The following STK39 variants were observed in gnomAD, a reference collection of about 807,000 sequenced individuals.
The protein encoded by STK39 is serine/threonine kinase 39, also known as STE20/SPS1-related proline-alanine-rich protein kinase.
A neutral mutation model predicts 77.8 loss-of-function variants in STK39; 20 were observed. That is an observed-to-expected ratio of 0.26 (90% CI 0.18 to 0.37). STK39 has a LOEUF of 0.37. STK39 is among the 10% of genes least tolerant of loss of function. The pLI, the probability that STK39 is intolerant of heterozygous loss-of-function variation, is 1.00. For missense variants in STK39, 479 were observed against 656.5 expected (o/e 0.73, Z 2.95); for synonymous variants, 246 against 234.1 (o/e 1.05, Z -0.47).
intron 1 of STK39, among the ~76,000 whole-genome samples, chr2:168,211,696 C>T (rs573972949): frequency 1.3e-5 from 2 of 152,336 alleles, no homozygotes; most frequent in Non-Finnish European, 2.9e-5. Context: ...CCCTGTCTTA[C>T]GTCTCTGAGG....
intron 7 of STK39, among the ~76,000 whole-genome samples, chr2:168,139,573 C>A (rs1331941043): frequency 6.6e-6 from 1 of 152,042 alleles, no homozygotes; most frequent in Non-Finnish European, 1.5e-5. Context: ...GTAAAACTCA[C>A]TTTTTATTCT....
intron 17 of STK39, 21 bp downstream of exon 17, chr2:167,964,641 T>C (rs1438859035): frequency 6.3e-7 from 1 of 1,597,886 alleles, no homozygotes; most frequent in Non-Finnish European, 8.6e-7. Flanking sequence ...TACCTCCTTC[T>C]TTCCATAACT....
At chr2:168,216,505 T>A (rs1340180823) in intron 1 of STK39, among the ~76,000 whole-genome samples, 1 of 152,220 alleles carries the variant, frequency 6.6e-6, no homozygotes, top group African/African-American at 2.4e-5. Flanking sequence ...AAAGTTGTGT[T>A]TGGCTGTTTG....
chr2:168,172,288 G>A (rs1688848162), intron 2 of STK39, among the ~76,000 whole-genome samples: 1 of 152,196 alleles, frequency 6.6e-6, no homozygotes, highest in Admixed American at 6.5e-5. Flanking sequence ...GACCATGGCA[G>A]CAGCCGTCAC....
chr2:167,988,741 A>C (rs1440748363), intron 16 of STK39, among the ~76,000 whole-genome samples: 2 of 152,226 alleles, frequency 1.3e-5, no homozygotes, highest in Non-Finnish European at 1.5e-5. Context: ...TTTACATATA[A>C]AATTCCTGAG....
chr2:167,971,633 C>CTG (rs1242967505), intron 16 of STK39, among the ~76,000 whole-genome samples: 3 of 152,166 alleles, frequency 2.0e-5, no homozygotes, highest in African/African-American at 7.2e-5. Flanking sequence ...AGGTAACTTA[C>CTG]TGCGGAATGT....
intron 5 of STK39, among the ~76,000 whole-genome samples, chr2:168,143,071 G>A (rs1378522711): frequency 6.6e-6 from 1 of 152,136 alleles, no homozygotes; most frequent in Non-Finnish European, 1.5e-5. Flanking sequence ...ATTCACTTGG[G>A]TACAAAACCA....
At chr2:167,967,957 C>G (rs1278363099) in intron 16 of STK39, among the ~76,000 whole-genome samples, 4 of 148,102 alleles carry the variant, frequency 2.7e-5, no homozygotes, top group East Asian at 2.1e-4. Flanking sequence ...CTTCTTCCCC[C>G]CTCAAGTAGG....
rs191340449 is a variant in STK39 at position 168,218,881 on chromosome 2, C to T, written c.208+28347G>A. ...AACAACCAGCTCCCAACTAGTGGTA[C>T]GAACCGTGTTAAATCTTACTACATA... On this transcript the variant is annotated intron_variant, in intron 1 of 17. Coordinates refer to ENST00000355999, the MANE Select transcript of STK39 (RefSeq NM_013233.3). Among the ~76,000 whole-genome samples, 70 of 152,228 alleles carry T rather than the reference C, an allele frequency of 4.6e-4. 1 individual carries two copies. The highest frequency in any genetic ancestry group is 3.4e-3 in the Middle Eastern group (1 of 294).
intron 1 of STK39, among the ~76,000 whole-genome samples, chr2:168,235,675 A>G (rs537897719): frequency 7.3e-6 from 1 of 137,930 alleles, no homozygotes; most frequent in African/African-American, 2.7e-5. Flanking sequence ...TCATTGTTCA[A>G]TTCCCACCTA....
At chr2:168,132,337 C>T (rs1687718725) in intron 8 of STK39, among the ~76,000 whole-genome samples, 1 of 152,078 alleles carries the variant, frequency 6.6e-6, no homozygotes, top group Non-Finnish European at 1.5e-5. Context: ...TGTCTCACTA[C>T]TTCTCCCTTG....
intron 15 of STK39, among the ~76,000 whole-genome samples, chr2:168,016,246 A>G (rs1301433602): frequency 6.6e-6 from 1 of 152,144 alleles, no homozygotes; most frequent in East Asian, 1.9e-4. Flanking sequence ...TATTTTTAAA[A>G]GATACTTCAT....
chr2:168,004,546 CAG>C (rs1684077153), intron 16 of STK39, among the ~76,000 whole-genome samples: 1 of 151,858 alleles, frequency 6.6e-6, no homozygotes, highest in South Asian at 2.1e-4. Context: ...TTCTGGGTAA[CAG>C]GGCGAAACCC....
intron 16 of STK39, among the ~76,000 whole-genome samples, chr2:167,976,876 A>AT (rs1008152526): frequency 5.3e-5 from 8 of 151,224 alleles, no homozygotes; most frequent in Non-Finnish European, 8.9e-5. Flanking sequence ...CAATCAAACT[A>AT]TTTTTTTTTA....
At chr2:167,979,058 G>C (rs1011323256) in intron 16 of STK39, among the ~76,000 whole-genome samples, 1 of 151,870 alleles carries the variant, frequency 6.6e-6, no homozygotes, top group African/African-American at 2.4e-5. Flanking sequence ...ATGCTATACC[G>C]GTTTGTTTAC....
chr2:168,016,412 A>AAAAAAAAAAC (rs1553514340), intron 15 of STK39, among the ~76,000 whole-genome samples: 1 of 146,412 alleles, frequency 6.8e-6, no homozygotes, highest in African/African-American at 2.6e-5. Flanking sequence ...AAAAAAAAAA[A>AAAAAAAAAAC]ACAACACTAC....
At chr2:168,141,166 A>C (rs1270220947) in intron 5 of STK39, among the ~76,000 whole-genome samples, 2 of 152,156 alleles carry the variant, frequency 1.3e-5, no homozygotes, top group Admixed American at 6.5e-5. Context: ...AGTAAATAAT[A>C]TTTTTCTTAA....
chr2:168,028,336 C>T (rs1356435042), intron 14 of STK39, among the ~76,000 whole-genome samples: 4 of 152,162 alleles, frequency 2.6e-5, no homozygotes. Context: ...AGCACAAAGT[C>T]ACTTGTGTTA....
intron 17 of STK39, among the ~76,000 whole-genome samples, chr2:167,963,968 C>T (rs970188332): frequency 1.3e-5 from 2 of 152,172 alleles, no homozygotes; most frequent in African/African-American, 4.8e-5. Context: ...GTACTGTTCG[C>T]TAAAATTTTT....
Sources: allele counts gnomAD v4.1 joint callset (sites outside exome capture counted in the v4.1 genomes callset), GRCh38; gene constraint gnomAD v4.1.1; transcripts MANE v1.5; gene names NCBI Gene and HGNC (gene_info 2026-07-23, HGNC 2026-07-21).